DLC1: variants seen among roughly 807,000 people sequenced by gnomAD.
DLC1 encodes DLC1 Rho GTPase activating protein.
In DLC1, 54 loss-of-function variants were observed where a neutral mutation model predicts 140.3. The observed-to-expected ratio is 0.38, with a 90% CI of 0.31 to 0.48. The LOEUF (loss-of-function observed/expected upper bound fraction) is 0.48, where lower values mean the gene tolerates loss of function less well. DLC1 is among the 20% of genes least tolerant of loss of function. The pLI is 0.96. For synonymous variants in DLC1, 986 were observed against 728.1 expected, an observed-to-expected ratio of 1.35 and a Z score of -5.70; for missense variants, 2,536 against 1,907.0, an observed-to-expected ratio of 1.33 and a Z score of -6.14.
chr8:13,557,228 C>T (rs186479976), intron 1 of DLC1, among the ~76,000 whole-genome samples: 30 of 151,370 alleles, frequency 2.0e-4, no homozygotes, highest in African/African-American at 6.1e-4. Flanking sequence ...TTTTTTTATT[C>T]GTACTCTGAA....
chr8:13,231,550 C>G (rs1459924118), intron 5 of DLC1, among the ~76,000 whole-genome samples: 1 of 152,196 alleles, frequency 6.6e-6, no homozygotes, highest in Non-Finnish European at 1.5e-5. Flanking sequence ...TTATAGAAGA[C>G]AGACAAGCAA....
intron 5 of DLC1, among the ~76,000 whole-genome samples, chr8:13,258,751 G>T (rs547213740): frequency 3.3e-5 from 5 of 152,242 alleles, no homozygotes; most frequent in South Asian, 4.1e-4. Context: ...TTCATTTCCT[G>T]TTTGTACGGG....
At chr8:13,127,613 A>G (rs1029292303) in intron 5 of DLC1, among the ~76,000 whole-genome samples, 3 of 152,236 alleles carry the variant, frequency 2.0e-5, no homozygotes, top group Non-Finnish European at 2.9e-5. Flanking sequence ...GGAGGGACAC[A>G]GCGTGGCTGT....
intron 5 of DLC1, among the ~76,000 whole-genome samples, chr8:13,261,171 T>C (rs1243506991): frequency 1.3e-5 from 2 of 152,152 alleles, no homozygotes; most frequent in African/African-American, 4.8e-5. Context: ...TGGATCGCAA[T>C]TGGTTCAGAG....
At chr8:13,555,009 T>A (rs1026472207) in intron 1 of DLC1, among the ~76,000 whole-genome samples, 1 of 152,232 alleles carries the variant, frequency 6.6e-6, no homozygotes, top group Non-Finnish European at 1.5e-5. Flanking sequence ...GTTAAGCACG[T>A]CTCTTTCTGT....
chr8:13,157,123 T>TA (rs547125141), intron 5 of DLC1, among the ~76,000 whole-genome samples: 83 of 152,296 alleles, frequency 5.4e-4, no homozygotes, highest in Middle Eastern at 3.4e-3. Context: ...ACCTAAGCCA[T>TA]AAGAGGCAGG....
intron 1 of DLC1, chr8:13,567,294 C>G (rs1266561864): frequency 6.4e-7 from 1 of 1,551,672 alleles, no homozygotes. Flanking sequence ...TTGAACGGCA[C>G]CAACCAGACA....
chr8:13,333,514 G>A (rs927238489), intron 4 of DLC1, among the ~76,000 whole-genome samples: 1 of 152,156 alleles, frequency 6.6e-6, no homozygotes, highest in Non-Finnish European at 1.5e-5. Context: ...CTCCCAATAT[G>A]TGGGGATCAA....
intron 5 of DLC1, among the ~76,000 whole-genome samples, chr8:13,144,700 G>C (rs1422225709): frequency 2.0e-5 from 3 of 152,198 alleles, no homozygotes; most frequent in African/African-American, 7.2e-5. Context: ...GAGAGGCAGA[G>C]CTTGCAGTGA....
At chr8:13,123,638 G>A (rs754278556) in intron 5 of DLC1, among the ~76,000 whole-genome samples, 9 of 151,874 alleles carry the variant, frequency 5.9e-5, no homozygotes, top group South Asian at 4.1e-4. Context: ...GGCGTGGGCC[G>A]TGGCACCTGG....
chr8:13,567,463 G>C (rs577987071), intron 1 of DLC1: 1 of 1,551,942 alleles, frequency 6.4e-7, no homozygotes. Context: ...GGATGTAGAG[G>C]CTTCAGAGAG....
intron 2 of DLC1, among the ~76,000 whole-genome samples, chr8:13,493,573 A>G (rs1801363246): frequency 6.6e-6 from 1 of 152,214 alleles, no homozygotes; most frequent in African/African-American, 2.4e-5. Context: ...AGAACGTTCA[A>G]TATCCTTCTT....
chr8:13,207,912 T>G (rs1328006458), intron 5 of DLC1, among the ~76,000 whole-genome samples: 1 of 152,218 alleles, frequency 6.6e-6, no homozygotes, highest in East Asian at 1.9e-4. Flanking sequence ...GACAGTATTA[T>G]GTATACCCAT....
At chr8:13,391,632 A>G (rs1419256649) in intron 4 of DLC1, among the ~76,000 whole-genome samples, 1 of 152,170 alleles carries the variant, frequency 6.6e-6, no homozygotes, top group East Asian at 1.9e-4. Context: ...ATGTATACGC[A>G]CTTCTGTGTA....
At chr8:13,275,106 A>C (rs1223627742) in intron 5 of DLC1, among the ~76,000 whole-genome samples, 1 of 152,226 alleles carries the variant, frequency 6.6e-6, no homozygotes, top group Non-Finnish European at 1.5e-5. Flanking sequence ...TCGACTTGAC[A>C]TTGTTTACTT....
At chr8:13,094,453 G>A (rs565643439) in intron 12 of DLC1, among the ~76,000 whole-genome samples, 1 of 152,180 alleles carries the variant, frequency 6.6e-6, no homozygotes, top group Non-Finnish European at 1.5e-5. Flanking sequence ...ATCACTTGAG[G>A]TCAGGAGTTC....
chr8:13,154,577 C>T (rs1044670108), intron 5 of DLC1, among the ~76,000 whole-genome samples: 4 of 152,192 alleles, frequency 2.6e-5, no homozygotes, highest in African/African-American at 7.2e-5. Context: ...GCTGGCGCCT[C>T]TCCCTCCACA....
intron 5 of DLC1, among the ~76,000 whole-genome samples, chr8:13,129,077 C>G (rs1002025413): frequency 3.9e-5 from 6 of 152,158 alleles, no homozygotes; most frequent in Non-Finnish European, 8.8e-5. Flanking sequence ...CAGAAGGAGC[C>G]CTTCTCAGCT....
At chr8:13,363,410 A>G (rs1027914934) in intron 4 of DLC1, among the ~76,000 whole-genome samples, 2 of 151,514 alleles carry the variant, frequency 1.3e-5, no homozygotes, top group African/African-American at 4.9e-5. Flanking sequence ...GTCCATCAGA[A>G]CCTAGCATTA....
Sources: gnomAD v4.1 joint callset for allele counts (sites outside exome capture counted in the v4.1 genomes callset) on GRCh38, gnomAD v4.1.1 for gene constraint, MANE v1.5 for transcripts, NCBI Gene and HGNC (gene_info 2026-07-23, HGNC 2026-07-21) for gene names.